MYO16: variants seen among roughly 807,000 people sequenced by gnomAD.
MYO16 encodes myosin XVI, also known as unconventional myosin-XVI.
Under a neutral mutation model 205.3 loss-of-function variants are expected in MYO16, and 94 were observed. The observed-to-expected ratio is 0.46, with a 90% CI of 0.39 to 0.54. The LOEUF is 0.54. MYO16 is among the 20% of genes least tolerant of loss of function. MYO16 has a pLI of 0.00. For missense variants in MYO16, 2,315 were observed against 2,387.5 expected (o/e 0.97, Z 0.63); for synonymous variants, 988 against 954.0 (o/e 1.04, Z -0.66).
intron 1 of MYO16, among the ~76,000 whole-genome samples, chr13:108,657,417 T>G (rs1212124575): frequency 6.6e-6 from 1 of 152,216 alleles, no homozygotes; most frequent in Non-Finnish European, 1.5e-5. Context: ...TTACCTGTAA[T>G]TTTTTTAATG....
At chr13:108,758,007 G>A (rs1885479201) in intron 4 of MYO16, among the ~76,000 whole-genome samples, 1 of 152,140 alleles carries the variant, frequency 6.6e-6, no homozygotes, top group Admixed American at 6.5e-5. Flanking sequence ...TGATAGTCGT[G>A]AGGATAGAGG....
intron 11 of MYO16, among the ~76,000 whole-genome samples, chr13:108,861,259 T>C (rs1878437219): frequency 6.6e-6 from 1 of 152,204 alleles, no homozygotes; most frequent in Non-Finnish European, 1.5e-5. Context: ...TGGTTTTGTC[T>C]GTGTTTTTTA....
At chr13:109,142,663 A>C (rs1393062071) in intron 32 of MYO16, among the ~76,000 whole-genome samples, 2 of 152,010 alleles carry the variant, frequency 1.3e-5, no homozygotes, top group Non-Finnish European at 2.9e-5. Flanking sequence ...CCTCTGTTCC[A>C]TTGCTTTTTG....
rs66755145 is a variant in MYO16, at chr13:109,072,574, A to AACACAC, written c.3335+17002_3335+17007dup. Among the ~76,000 whole-genome samples the AACACAC allele has an allele frequency of 9.2e-3, 1,378 of 149,202 alleles. 14 individuals are homozygous for AACACAC. Among genetic ancestry groups the AACACAC allele is most frequent in the African/African-American group, 0.03 (1,200 of 40,640 alleles). ...AATGGTTATAAAATCTGTGGCATTA[A>AACACAC]ACACACACACACACACACACACACA... On this transcript the variant is annotated intron_variant, in intron 27 of 34. Transcript: ENST00000457511.
In MYO16 at chr13:109,095,275, G is replaced by C. The variant is rs80153664; in HGVS notation, c.3336-5510G>C. 1.3e-3 allele frequency among the ~76,000 whole-genome samples: 193 copies of C among 152,364 alleles called. 2 individuals carry two copies. Among genetic ancestry groups the C allele is most frequent in the African/African-American group, 4.4e-3 (181 of 41,588 alleles). On this transcript the variant is annotated intron_variant, in intron 27 of 34. Transcript: ENST00000457511. Reference sequence around the variant, plus strand: ...GGCGACCTGTGTGTCTTGGATGACAGACGCTGGGACAGTGTGGGGAGTGAG... The same window carrying C: ...GGCGACCTGTGTGTCTTGGATGACACACGCTGGGACAGTGTGGGGAGTGAG...
Position 108,855,498 on chromosome 13 carries a change from A to G in MYO16, c.1304A>G (p.Asn435Ser), listed in dbSNP as rs770273862. Residue 435 changes from asparagine to serine, a missense_variant, in exon 11 of 35, where the codon AAT becomes AGT. Around this residue, in one of 3 missense-constraint regions of MYO16, gnomAD observed 1,213 missense variants for 1,274.4 expected, o/e 0.95. Transcript: ENST00000457511. ...NDDLATLSEL[N>S]DGSLLYEIQK... Reference sequence around the variant, plus strand: ...GACCTGGCAACGCTCAGCGAGCTCAATGATGGCAGCCTGCTCTATGAGATT... The same window carrying G: ...GACCTGGCAACGCTCAGCGAGCTCAGTGATGGCAGCCTGCTCTATGAGATT... The G allele has an allele frequency of 1.6e-5, 25 of 1,598,838 alleles. No homozygotes were observed. Among genetic ancestry groups the G allele is most frequent in the Middle Eastern group, 1.7e-4 (1 of 6,014 alleles).
chr13:108,928,771 C>T (rs1882123490), intron 16 of MYO16, among the ~76,000 whole-genome samples: 1 of 152,072 alleles, frequency 6.6e-6, no homozygotes, highest in Admixed American at 6.5e-5. Context: ...AAATAATGAG[C>T]AAAGATATGA....
chr13:108,781,132 C>T (rs1024608008), intron 4 of MYO16, among the ~76,000 whole-genome samples: 7 of 152,154 alleles, frequency 4.6e-5, no homozygotes, highest in African/African-American at 1.7e-4. Flanking sequence ...CCAGGTGTTT[C>T]GCATATATAG....
At position 108,810,558 on chromosome 13, in the gene MYO16, T is replaced by TA. The variant is rs140802977; in HGVS notation, c.867+3760dup. On this transcript the variant is annotated intron_variant, in intron 7 of 34. Transcript: ENST00000457511. ...TAGTATATGACATCTAGAATTATTC[T>TA]AAAAAATTGTTCTCTCAAAAAGATG... 4.8e-3 allele frequency among the ~76,000 whole-genome samples: 726 copies of TA among 152,348 alleles called. 6 individuals carry two copies. The highest frequency in any genetic ancestry group is 0.016 in the African/African-American group (654 of 41,578).
Position 109,079,051 on chromosome 13 carries a change from C to T in MYO16, c.3336-21734C>T, listed in dbSNP as rs538216633. Among the ~76,000 whole-genome samples the T allele has an allele frequency of 3.3e-4, 33 of 101,364 alleles. 1 individual carries two copies. Among genetic ancestry groups the T allele is most frequent in the Middle Eastern group, 0.011 (2 of 182 alleles). The allele number at this position is 101,364 out of a possible 152,430, so 66.5% of individuals were successfully genotyped here. A position where few individuals can be genotyped will look rare whatever the true frequency, so the allele number is the denominator to read the frequency against. ...CTGTCTCCTTTTTGATTCTCTGCCCCGAAACTCTTAACTGGTTGGTATCCC... is the reference window on the plus strand; with the variant it reads ...CTGTCTCCTTTTTGATTCTCTGCCCTGAAACTCTTAACTGGTTGGTATCCC... On this transcript the variant is annotated intron_variant, in intron 27 of 34. Transcript: ENST00000457511.
chr13:108,743,242 C>T (rs1884962800), intron 4 of MYO16, among the ~76,000 whole-genome samples: 1 of 152,060 alleles, frequency 6.6e-6, no homozygotes, highest in South Asian at 2.1e-4. Flanking sequence ...CAGGCCTTTG[C>T]CTTTTTCTTA....
At chr13:108,884,268 A>T (rs546319832) in intron 13 of MYO16, among the ~76,000 whole-genome samples, 11 of 152,228 alleles carry the variant, frequency 7.2e-5, no homozygotes, top group Admixed American at 2.6e-4. Flanking sequence ...CAAAAATTCT[A>T]TGGAGGGTGG....
At chr13:109,148,905 CTGCAGGCCAA>C (rs1877491200) in intron 32 of MYO16, among the ~76,000 whole-genome samples, 1 of 152,188 alleles carries the variant, frequency 6.6e-6, no homozygotes, top group Admixed American at 6.5e-5. Context: ...GTAATAGACA[CTGCAGGCCAA>C]TGGATGAATA....
intron 3 of MYO16, among the ~76,000 whole-genome samples, chr13:108,716,407 T>G (rs2139560081): frequency 6.6e-6 from 1 of 152,308 alleles, no homozygotes; most frequent in Non-Finnish European, 1.5e-5. Context: ...TATGCAAAGG[T>G]TGTGAGACTA....
chr13:108,978,764 T>G (rs1327273602), intron 20 of MYO16, among the ~76,000 whole-genome samples: 2 of 151,998 alleles, frequency 1.3e-5, no homozygotes, highest in Non-Finnish European at 2.9e-5. Context: ...CAGTTTGTAC[T>G]AAATGAAGAT....
chr13:109,074,817 C>T (rs1483777374), intron 27 of MYO16, among the ~76,000 whole-genome samples: 2 of 152,164 alleles, frequency 1.3e-5, no homozygotes, highest in Admixed American at 1.3e-4. Context: ...ACGGGGGAAC[C>T]ACCCCATGAT....
intron 1 of MYO16, among the ~76,000 whole-genome samples, chr13:108,624,553 A>T (rs1345970403): frequency 6.6e-6 from 1 of 152,140 alleles, no homozygotes; most frequent in Non-Finnish European, 1.5e-5. Context: ...CTGAAATGGA[A>T]AAGTCTTCCT....
intron 1 of MYO16, among the ~76,000 whole-genome samples, chr13:108,660,665 C>T (rs1369802897): frequency 6.6e-6 from 1 of 152,046 alleles, no homozygotes; most frequent in Non-Finnish European, 1.5e-5. Flanking sequence ...TTATGTGAGT[C>T]CTTATGTGTT....
chr13:108,710,514 C>T (rs1883679263), intron 2 of MYO16, among the ~76,000 whole-genome samples: 1 of 152,156 alleles, frequency 6.6e-6, no homozygotes, highest in South Asian at 2.1e-4. Flanking sequence ...TTTTATTGCA[C>T]GTAGTCATTC....
Sources: gnomAD v4.1 joint callset for allele counts (sites outside exome capture counted in the v4.1 genomes callset) on GRCh38, gnomAD v4.1.1 for gene constraint, gnomAD v4.1.1 regional missense constraint, MANE v1.5 for transcripts, NCBI Gene and HGNC (gene_info 2026-07-23, HGNC 2026-07-21) for gene names.